CDH12: variants seen among roughly 807,000 people sequenced by gnomAD.
CDH12 encodes the protein cadherin 12, also known as cadherin-12.
In CDH12, 41 loss-of-function variants were observed where a neutral mutation model predicts 74.1. The ratio of observed to expected loss-of-function variants is 0.55; its 90% CI spans 0.43 to 0.72. CDH12 has a LOEUF of 0.72. Ranked by LOEUF, CDH12 falls within the 30% of genes least tolerant of loss-of-function variation. The pLI is 0.00. For synonymous variants in CDH12, 399 were observed against 355.0 expected (o/e 1.12, Z -1.39); for missense variants, 945 against 977.2 (o/e 0.97, Z 0.44).
At chr5:22,576,157 A>G (rs1042256209) in intron 1 of CDH12, among the ~76,000 whole-genome samples, 10 of 152,182 alleles carry the variant, frequency 6.6e-5, no homozygotes, top group Non-Finnish European at 1.3e-4. Flanking sequence ...GCCTATTATA[A>G]CAGGGGTTCT....
chr5:22,025,254 T>A (rs1738272174), intron 5 of CDH12, among the ~76,000 whole-genome samples: 1 of 152,158 alleles, frequency 6.6e-6, no homozygotes, highest in Non-Finnish European at 1.5e-5. Context: ...GGACTCTTTA[T>A]ATTTATTGAT....
At chr5:22,325,188 A>C (rs532688223) in intron 3 of CDH12, among the ~76,000 whole-genome samples, 5 of 152,344 alleles carry the variant, frequency 3.3e-5, no homozygotes, top group East Asian at 1.9e-4. Context: ...TCTTTTACTT[A>C]TATACAAATG....
intron 6 of CDH12, among the ~76,000 whole-genome samples, chr5:21,861,070 GAA>G (rs1452838485): frequency 6.6e-6 from 1 of 151,954 alleles, no homozygotes; most frequent in Non-Finnish European, 1.5e-5. Context: ...AGTGTTGAGG[GAA>G]ACCTCAGGAA....
chr5:22,742,006 C>A lies in CDH12; in HGVS notation c.-523+111052G>T, dbSNP rs563731207. Among the ~76,000 whole-genome samples the A allele has an allele frequency of 1.4e-3, 219 of 152,088 alleles. 2 individuals carry two copies. Among genetic ancestry groups the A allele is most frequent in the Admixed American group, 3.2e-3 (49 of 15,266 alleles). ...GACCAGCGTGGTCAATATGGTGAAA[C>A]CCTGTCTCTACTAAAAATACAAAAG... On this transcript the variant is annotated intron_variant, in intron 1 of 14. Transcript: ENST00000382254.
At chr5:22,467,543 CCAT>C (rs1745786791) in intron 2 of CDH12, among the ~76,000 whole-genome samples, 2 of 152,176 alleles carry the variant, frequency 1.3e-5, no homozygotes. Context: ...AGTTCATTTT[CCAT>C]CTCTTGCACT....
chr5:22,558,302 T>G (rs1738892981), intron 1 of CDH12, among the ~76,000 whole-genome samples: 1 of 152,086 alleles, frequency 6.6e-6, no homozygotes, highest in African/African-American at 2.4e-5. Flanking sequence ...CTGCCTCGAC[T>G]GTCTCACCTC....
intron 1 of CDH12, among the ~76,000 whole-genome samples, chr5:22,569,447 G>T (rs1739440097): frequency 1.3e-5 from 2 of 152,242 alleles, no homozygotes; most frequent in South Asian, 4.1e-4. Flanking sequence ...CATGCTTCCT[G>T]TACAGCCTGC....
At chr5:21,862,192 G>T (rs970928549) in intron 6 of CDH12, among the ~76,000 whole-genome samples, 1 of 151,944 alleles carries the variant, frequency 6.6e-6, no homozygotes, top group African/African-American at 2.4e-5. Context: ...TGAGTGTATG[G>T]GTTCTGAAGC....
chr5:22,571,318 A>C (rs1580775781), intron 1 of CDH12, among the ~76,000 whole-genome samples: 1 of 149,632 alleles, frequency 6.7e-6, no homozygotes, highest in Admixed American at 6.6e-5. Context: ...AAGCTTAATC[A>C]TCTCTAACTT....
chr5:22,528,615 G>A (rs1161591772), intron 1 of CDH12, among the ~76,000 whole-genome samples: 3 of 152,070 alleles, frequency 2.0e-5, no homozygotes, highest in Admixed American at 6.6e-5. Flanking sequence ...GCTTAAGCTG[G>A]AAATTTAAAT....
chr5:22,313,964 T>G (rs1335963912), intron 3 of CDH12, among the ~76,000 whole-genome samples: 2 of 151,954 alleles, frequency 1.3e-5, no homozygotes, highest in Non-Finnish European at 2.9e-5. Context: ...CAAAAGCTAT[T>G]GAAATAAAAA....
At chr5:22,396,262 C>T (rs1363938286) in intron 3 of CDH12, among the ~76,000 whole-genome samples, 1 of 151,984 alleles carries the variant, frequency 6.6e-6, no homozygotes, top group Non-Finnish European at 1.5e-5. Context: ...ACACCAGATG[C>T]CCTGGAGAGG....
intron 5 of CDH12, among the ~76,000 whole-genome samples, chr5:22,038,262 A>G (rs145141428): frequency 6.6e-6 from 1 of 152,240 alleles, no homozygotes; most frequent in Non-Finnish European, 1.5e-5. Flanking sequence ...AACACCCCCA[A>G]GCTAAGCTGT....
intron 1 of CDH12, among the ~76,000 whole-genome samples, chr5:22,631,086 T>C (rs1257386360): frequency 1.3e-5 from 2 of 152,000 alleles, no homozygotes; most frequent in African/African-American, 4.8e-5. Context: ...AACAATGAGA[T>C]ACCAGCTCAC....
chr5:21,932,074 AAAC>A lies in CDH12; in HGVS notation c.526+43014_526+43016del, dbSNP rs1289790480. Among the ~76,000 whole-genome samples the A allele has an allele frequency of 5.9e-5, 9 of 152,206 alleles. No homozygotes were observed. The East Asian group carries it at 1.7e-3, about 29-fold the overall frequency. On this transcript the variant is annotated intron_variant, in intron 6 of 14. Transcript: ENST00000382254. ...TCTGTCACCAATGTTAAGTTTTACA[AAAC>A]AACATTAGGATACTCTACACAAATG...
chr5:22,297,491 A>G (rs1381379324), intron 3 of CDH12, among the ~76,000 whole-genome samples: 1 of 152,212 alleles, frequency 6.6e-6, no homozygotes, highest in East Asian at 1.9e-4. Context: ...GAGTAGAATC[A>G]GAATTCATTA....
intron 3 of CDH12, among the ~76,000 whole-genome samples, chr5:22,231,019 C>A (rs913278746): frequency 6.6e-6 from 1 of 152,090 alleles, no homozygotes; most frequent in Admixed American, 6.6e-5. Flanking sequence ...GCAATGTGCA[C>A]AGAATATGGA....
At chr5:21,889,232 A>G (rs1752784714) in intron 6 of CDH12, among the ~76,000 whole-genome samples, 1 of 152,166 alleles carries the variant, frequency 6.6e-6, no homozygotes, top group African/African-American at 2.4e-5. Context: ...AACATTAAAA[A>G]TGTTTACTAT....
chr5:21,782,614 G>A (rs1221370917), intron 11 of CDH12, among the ~76,000 whole-genome samples: 1 of 152,150 alleles, frequency 6.6e-6, no homozygotes, highest in Non-Finnish European at 1.5e-5. Context: ...AACGTTTCAA[G>A]AGACCATAAG....
Sources: gnomAD v4.1 joint callset for allele counts (sites outside exome capture counted in the v4.1 genomes callset) on GRCh38, gnomAD v4.1.1 for gene constraint, MANE v1.5 for transcripts, NCBI Gene and HGNC (gene_info 2026-07-23, HGNC 2026-07-21) for gene names.